Variants in KCNIP4 observed in about 807,000 individuals in gnomAD.
KCNIP4 encodes potassium voltage-gated channel interacting protein 4, also known as Kv channel-interacting protein 4.
KCNIP4 carries 12 observed loss-of-function variants against 34.0 expected under a neutral mutation model. That is an observed-to-expected ratio of 0.35 (90% CI 0.23 to 0.57). The LOEUF (loss-of-function observed/expected upper bound fraction) is 0.57. KCNIP4 is among the 20% of genes least tolerant of loss of function. The pLI is 0.83. For missense variants in KCNIP4, 238 were observed against 311.7 expected (o/e 0.76, Z 1.78); for synonymous variants, 124 against 102.2 (o/e 1.21, Z -1.29).
At chr4:21,847,739 C>T (rs1438328599) in intron 1 of KCNIP4, 2 of 152,088 alleles carry the variant, frequency 1.3e-5, no homozygotes, top group African/African-American at 2.4e-5. Context: ...CTGTTGTCAT[C>T]CCTTACACAA....
At chr4:20,910,201 A>G (rs776206208) in intron 1 of KCNIP4, among the ~76,000 whole-genome samples, 4 of 152,076 alleles carry the variant, frequency 2.6e-5, no homozygotes, top group African/African-American at 4.8e-5. Context: ...CTCACTTTAG[A>G]GTAGTAAATC....
At chr4:21,234,074 TAAC>T (rs201290560) in intron 1 of KCNIP4, among the ~76,000 whole-genome samples, 80 of 86,198 alleles carry the variant, frequency 9.3e-4, no homozygotes, top group East Asian at 1.7e-3. Flanking sequence ...TAACATAACA[TAAC>T]ATATAACGTA....
At chr4:20,864,596 TC>T (rs1358168419) in intron 2 of KCNIP4, among the ~76,000 whole-genome samples, 1 of 151,724 alleles carries the variant, frequency 6.6e-6, no homozygotes, top group Non-Finnish European at 1.5e-5. Flanking sequence ...CTGTTCTGCC[TC>T]CCCCAGAGCA....
chr4:21,332,989 C>G (rs952766343), intron 1 of KCNIP4, among the ~76,000 whole-genome samples: 1 of 152,024 alleles, frequency 6.6e-6, no homozygotes, highest in South Asian at 2.1e-4. Flanking sequence ...TTTACCAGCT[C>G]GGAGCCTTTG....
rs144414392 is a variant in KCNIP4, at chr4:21,052,705, C to T, written c.62-169996G>A. Among the ~76,000 whole-genome samples, 22 of 152,242 alleles carry T rather than the reference C, an allele frequency of 1.4e-4. No homozygotes were observed. In the East Asian group the frequency reaches 2.9e-3, roughly 20 times the overall value. ...GAGTGAAAGGTCTAACCTCTCAATG[C>T]TGTTTCCCCTTCTGTACCTCCTCTG... is the stretch of plus-strand genomic sequence containing the variant. On this transcript the variant is annotated intron_variant, in intron 1 of 8. Coordinates refer to ENST00000382152, the MANE Select transcript of KCNIP4 (RefSeq NM_025221.6).
At chr4:21,037,252 A>C (rs1170949603) in intron 1 of KCNIP4, among the ~76,000 whole-genome samples, 1 of 152,178 alleles carries the variant, frequency 6.6e-6, no homozygotes, top group East Asian at 1.9e-4. Flanking sequence ...AGTGTGTATA[A>C]AGTCTACAGG....
At chr4:21,864,676 C>T (rs1725309777) in intron 1 of KCNIP4, among the ~76,000 whole-genome samples, 2 of 152,138 alleles carry the variant, frequency 1.3e-5, no homozygotes, top group Non-Finnish European at 2.9e-5. Context: ...CTACTTTTAT[C>T]CACATGTCTG....
chr4:21,024,791 T>C (rs1000974693), intron 1 of KCNIP4, among the ~76,000 whole-genome samples: 31 of 152,186 alleles, frequency 2.0e-4, no homozygotes, highest in African/African-American at 7.5e-4. Flanking sequence ...ATAGATCCTA[T>C]TGTTATTGAC....
chr4:21,667,046 A>T (rs1749027001), intron 1 of KCNIP4, among the ~76,000 whole-genome samples: 1 of 152,194 alleles, frequency 6.6e-6, no homozygotes, highest in Non-Finnish European at 1.5e-5. Context: ...GACAACTATA[A>T]CATTAGAAAA....
chr4:20,976,879 G>A (rs988237885), intron 1 of KCNIP4, among the ~76,000 whole-genome samples: 2 of 152,064 alleles, frequency 1.3e-5, no homozygotes, highest in African/African-American at 4.8e-5. Flanking sequence ...TGTTGCCCAG[G>A]CTGGAGTGCA....
intron 1 of KCNIP4, among the ~76,000 whole-genome samples, chr4:21,014,139 A>G (rs1443324817): frequency 1.3e-5 from 2 of 152,218 alleles, no homozygotes; most frequent in East Asian, 1.9e-4. Flanking sequence ...TTAAAATCAT[A>G]TAATTGCTTC....
At chr4:21,276,325 G>A (rs567343699) in intron 1 of KCNIP4, among the ~76,000 whole-genome samples, 2 of 148,094 alleles carry the variant, frequency 1.4e-5, no homozygotes, top group Middle Eastern at 3.5e-3. Context: ...GTTTGTGGTA[G>A]TTTGTTTCAG....
intron 1 of KCNIP4, among the ~76,000 whole-genome samples, chr4:21,373,108 T>G (rs552771772): frequency 2.7e-5 from 4 of 146,664 alleles, no homozygotes; most frequent in Middle Eastern, 3.4e-3. Context: ...TGGTAAATAA[T>G]CCTGTAAGAA....
At chr4:21,681,370 G>C (rs980928972) in intron 1 of KCNIP4, among the ~76,000 whole-genome samples, 1 of 152,050 alleles carries the variant, frequency 6.6e-6, no homozygotes, top group African/African-American at 2.4e-5. Flanking sequence ...GCCTCCCAAA[G>C]TGTTGGGATT....
intron 1 of KCNIP4, among the ~76,000 whole-genome samples, chr4:21,211,014 T>C (rs1030146176): frequency 1.3e-5 from 2 of 152,140 alleles, no homozygotes; most frequent in Non-Finnish European, 2.9e-5. Context: ...AATAGTGAAG[T>C]TTAGCTCTAG....
At chr4:21,065,724 G>GTATATATATA (rs1744293302) in intron 1 of KCNIP4, among the ~76,000 whole-genome samples, 1 of 52,766 alleles carries the variant, frequency 1.9e-5, no homozygotes, top group African/African-American at 7.7e-5. Context: ...GGTATCATTT[G>GTATATATATA]TCTATATATA....
At chr4:21,392,441 T>C (rs1722645598) in intron 1 of KCNIP4, among the ~76,000 whole-genome samples, 1 of 152,196 alleles carries the variant, frequency 6.6e-6, no homozygotes, top group Non-Finnish European at 1.5e-5. Context: ...GTCAATAAAT[T>C]CAAGATGGCA....
At chr4:20,732,875 T>A in intron 6 of KCNIP4, 90 bp from the exon 7 acceptor site, 3 of 783,258 alleles carry the variant, frequency 3.8e-6, no homozygotes, top group Non-Finnish European at 6.1e-6. Flanking sequence ...TACTCAATTT[T>A]AAATTTTTGA....
Position 21,251,877 on chromosome 4 carries a change from G to T in KCNIP4, c.62-369168C>A, listed in dbSNP as rs917602376. ...GGGACTGTGGTGGGGTGTGGGGAGG[G>T]GGGAGGGATAGCATTAGGAGTATAC... On this transcript the variant is annotated intron_variant, in intron 1 of 8. Coordinates refer to ENST00000382152, the MANE Select transcript of KCNIP4 (RefSeq NM_025221.6). Among the ~76,000 whole-genome samples, 3 of 145,446 alleles carry T rather than the reference G, an allele frequency of 2.1e-5. No homozygotes were observed. In the Admixed American group the frequency reaches 2.1e-4, roughly 10 times the overall value.
Sources: gnomAD v4.1 joint callset for allele counts (sites outside exome capture counted in the v4.1 genomes callset) on GRCh38, gnomAD v4.1.1 for gene constraint, MANE v1.5 for transcripts, NCBI Gene and HGNC (gene_info 2026-07-23, HGNC 2026-07-21) for gene names.